The following INO80 variants were observed in gnomAD, a reference collection of about 807,000 sequenced individuals.
The protein encoded by INO80 is chromatin-remodeling ATPase INO80.
Under a neutral mutation model 203.4 loss-of-function variants are expected in INO80, and 20 were observed. That is an observed-to-expected ratio of 0.10 (90% CI 0.07 to 0.14). INO80 has a LOEUF of 0.14. Ranked by LOEUF, INO80 falls within the 10% of genes least tolerant of loss-of-function variation. The probability of loss-of-function intolerance (pLI) is 1.00; values close to 1 mark genes in which losing one functional copy is unlikely to be tolerated. For missense variants in INO80, 1,419 were observed against 1,914.4 expected (o/e 0.74, Z 4.83); for synonymous variants, 726 against 685.2 (o/e 1.06, Z -0.93).
intron 1 of INO80, among the ~76,000 whole-genome samples, chr15:41,097,926 C>G (rs757388718): frequency 1.2e-4 from 19 of 152,156 alleles, no homozygotes; most frequent in Non-Finnish European, 2.4e-4. Context: ...GCACTCCAGG[C>G]TGGGCAACGA....
At position 40,982,877 on chromosome 15, in the gene INO80, A is replaced by G. The variant is rs1893882371; in HGVS notation, c.4438T>C (p.Tyr1480His). 6.2e-7 allele frequency: 1 copy of G among 1,612,972 alleles called. No homozygotes were observed. Among genetic ancestry groups the G allele is most frequent in the African/African-American group, 1.3e-5 (1 of 74,892 alleles). The change falls in exon 35 of 36, where the codon TAC becomes CAC. Residue 1480 changes from tyrosine (Y) to histidine (H), a missense_variant. Physicochemically the swap from Tyr to His is moderately conservative, Grantham distance 83 (BLOSUM62 2). This residue lies in a region of INO80 where 112 missense variants were observed against 106.2 expected (regional missense o/e 1.05). Coordinates refer to ENST00000648947, the MANE Select transcript of INO80 (RefSeq NM_017553.3). ...ASAAAYAAYG[Y>H]NVSKGISASS... ...GCTTCTGTACCTTTAGACACGTTGT[A>G]CCCGTATGCGGCATAGGCAGCTGCA...
chr15:40,982,321 T>G (rs1204977381), intron 35 of INO80, among the ~76,000 whole-genome samples: 1 of 152,104 alleles, frequency 6.6e-6, no homozygotes, highest in Non-Finnish European at 1.5e-5. Flanking sequence ...TAATTTTTTG[T>G]GTTTTTTGGT....
chr15:41,113,198 A>G (rs2045982140), intron 1 of INO80, among the ~76,000 whole-genome samples: 1 of 152,038 alleles, frequency 6.6e-6, no homozygotes, highest in Non-Finnish European at 1.5e-5. Flanking sequence ...TACAGGTGTG[A>G]GCCACCAAGC....
chr15:41,073,566 T>C (rs1269766374), intron 10 of INO80, 71 bp from the exon 11 acceptor site: 43 of 1,166,414 alleles, frequency 3.7e-5, no homozygotes, highest in Non-Finnish European at 5.4e-5. Flanking sequence ...TTAACACCAA[T>C]GTATGTGGAT....
At chr15:41,035,594 G>A (rs2044558429) in intron 24 of INO80, among the ~76,000 whole-genome samples, 1 of 151,708 alleles carries the variant, frequency 6.6e-6, no homozygotes, top group South Asian at 2.1e-4. Flanking sequence ...GGCCGAGGCA[G>A]ATGGATCACG....
chr15:41,009,689 A>C lies in INO80; in HGVS notation c.3403-4002T>G, dbSNP rs187269682. On this transcript the variant is annotated intron_variant, in intron 27 of 35. Coordinates refer to ENST00000648947, the MANE Select transcript of INO80 (RefSeq NM_017553.3). ...TGCAGCCTCGACCTCCTGGGCTCAA[A>C]TGATCCTCTCACCTCAGCCTCCCAA... Among the ~76,000 whole-genome samples, 407 of 152,000 alleles carry C rather than the reference A, an allele frequency of 2.7e-3. 3 individuals carry two copies. Among genetic ancestry groups the C allele is most frequent in the South Asian group, 0.013 (60 of 4,800 alleles).
At chr15:41,021,215 T>A (rs567060125) in intron 25 of INO80, 90 bp from the exon 26 acceptor site, 6 of 825,492 alleles carry the variant, frequency 7.3e-6, no homozygotes, top group Non-Finnish European at 1.2e-5. Flanking sequence ...ATCAGACTAA[T>A]GTGGATAGTT....
chr15:41,014,218 C>T (rs1042161876), intron 27 of INO80, among the ~76,000 whole-genome samples: 1 of 152,166 alleles, frequency 6.6e-6, no homozygotes, highest in Non-Finnish European at 1.5e-5. Context: ...TGGAACTTTC[C>T]TTTCATATGA....
chr15:41,063,468 C>T (rs1293097509), intron 14 of INO80, among the ~76,000 whole-genome samples: 1 of 151,994 alleles, frequency 6.6e-6, no homozygotes, highest in African/African-American at 2.4e-5. Flanking sequence ...ATATTCCCAA[C>T]AAGAGGCAAG....
At chr15:41,094,801 A>C (rs2045695861) in intron 4 of INO80, among the ~76,000 whole-genome samples, 1 of 152,176 alleles carries the variant, frequency 6.6e-6, no homozygotes, top group South Asian at 2.1e-4. Context: ...CCAAAATCTC[A>C]AAGGTTTTGA....
chr15:40,994,823 C>G (rs1308439676), intron 29 of INO80, among the ~76,000 whole-genome samples: 3 of 152,180 alleles, frequency 2.0e-5, no homozygotes, highest in Non-Finnish European at 4.4e-5. Context: ...GGTGGATGCT[C>G]ATTAAACATT....
chr15:41,056,412 A>G lies in INO80; in HGVS notation c.2070+210T>C, dbSNP rs2044985631. 1.3e-5 allele frequency among the ~76,000 whole-genome samples: 2 copies of G among 152,270 alleles called. 1 individual carries two copies. The highest frequency in any genetic ancestry group is 4.1e-4 in the South Asian group (2 of 4,836). ...GGTCAGTATTCCTTAAATACAAAAG[A>G]ATACAGTAATTCATTGGCCTTATGC... On this transcript the variant is annotated intron_variant, in intron 17 of 35. Transcript: ENST00000648947.
intron 14 of INO80, among the ~76,000 whole-genome samples, chr15:41,066,219 C>G (rs189432733): frequency 2.3e-4 from 35 of 152,030 alleles, no homozygotes; most frequent in African/African-American, 8.0e-4. Flanking sequence ...CTCAGGTGAC[C>G]CCCCTGCCTC....
rs773003985 is a variant in INO80 at position 41,101,551 on chromosome 15, C to CT, written c.-43-5199dup. ...CAACACAAACAGACTTTATTTGTAA[C>CT]TTTTTTTTTTTTTTTTGAGACAGAG... is the stretch of plus-strand genomic sequence containing the variant. On this transcript the variant is annotated intron_variant, in intron 1 of 35. Coordinates refer to ENST00000648947, the MANE Select transcript of INO80 (RefSeq NM_017553.3). 5.2e-3 allele frequency among the ~76,000 whole-genome samples: 736 copies of CT among 142,020 alleles called. 5 individuals are homozygous for CT. The highest frequency in any genetic ancestry group is 0.021 in the South Asian group (96 of 4,476). 93.2% of individuals were successfully genotyped at this position (142,020 alleles called of 152,430 possible). A position where few individuals can be genotyped will look rare whatever the true frequency, so the allele number is the denominator to read the frequency against.
intron 19 of INO80, among the ~76,000 whole-genome samples, chr15:41,051,787 T>A (rs1312484051): frequency 6.6e-6 from 1 of 152,026 alleles, no homozygotes; most frequent in Non-Finnish European, 1.5e-5. Context: ...TGAAACCTCA[T>A]CTCTACTAAA....
At chr15:41,065,474 A>G (rs2140573866) in intron 14 of INO80, among the ~76,000 whole-genome samples, 1 of 152,296 alleles carries the variant, frequency 6.6e-6, no homozygotes, top group African/African-American at 2.4e-5. Flanking sequence ...CAGGTGGAAG[A>G]TTCCTTAATA....
chr15:40,985,479 C>T, intron 31 of INO80, 53 bp from the exon 32 acceptor site: 1 of 1,295,448 alleles, frequency 7.7e-7, no homozygotes, highest in Non-Finnish European at 1.1e-6. Flanking sequence ...AATCATAATC[C>T]TCACTCTCTT....
chr15:41,075,962 T>A (rs893128068), intron 9 of INO80, among the ~76,000 whole-genome samples: 3 of 152,110 alleles, frequency 2.0e-5, no homozygotes, highest in African/African-American at 7.2e-5. Context: ...TATAAATTAT[T>A]CTGAAAGCCA....
chr15:41,001,403 T>C (rs1006802432), intron 28 of INO80, among the ~76,000 whole-genome samples: 3 of 152,208 alleles, frequency 2.0e-5, no homozygotes, highest in Admixed American at 1.3e-4. Context: ...GCTAGGCACA[T>C]AGCTGACTGC....
Sources: allele counts gnomAD v4.1 joint callset (sites outside exome capture counted in the v4.1 genomes callset), GRCh38; gene constraint gnomAD v4.1.1; regional missense constraint gnomAD v4.1.1; transcripts MANE v1.5; gene names NCBI Gene and HGNC (gene_info 2026-07-23, HGNC 2026-07-21).